SLC44A2: variants seen among roughly 807,000 people sequenced by gnomAD.
The protein encoded by SLC44A2 is choline transporter-like protein 2.
A neutral mutation model predicts 90.8 loss-of-function variants in SLC44A2; 57 were observed. The ratio of observed to expected loss-of-function variants is 0.63; its 90% CI spans 0.51 to 0.78. The LOEUF (loss-of-function observed/expected upper bound fraction) is 0.78, where lower values mean the gene tolerates loss of function less well. SLC44A2 is among the 30% of genes least tolerant of loss of function. SLC44A2 has a pLI of 0.00. For missense variants in SLC44A2, 794 were observed against 919.7 expected, an observed-to-expected ratio of 0.86 and a Z score of 1.77; for synonymous variants, 355 against 360.7, an observed-to-expected ratio of 0.98 and a Z score of 0.18.
chr19:10,608,954 CT>C (rs35684067), intron 1 of SLC44A2, among the ~76,000 whole-genome samples: 6,108 of 111,024 alleles, frequency 0.055, 59 homozygotes, highest in Middle Eastern at 0.086. Context: ...CCCAGCCTAC[CT>C]TTTTTTTTTT....
chr19:10,609,469 T>C (rs1918220143), intron 1 of SLC44A2, among the ~76,000 whole-genome samples: 1 of 151,986 alleles, frequency 6.6e-6, no homozygotes, highest in South Asian at 2.1e-4. Flanking sequence ...CCAGCTACTT[T>C]TTGTATTTTT....
At chr19:10,642,883 CG>C (rs1568457277) in intron 21 of SLC44A2, 1 of 1,577,160 alleles carries the variant, frequency 6.3e-7, no homozygotes, top group Non-Finnish European at 8.5e-7. Flanking sequence ...TGCCGGTTCC[CG>C]GGGGGAGCCC....
chr19:10,624,332 C>G (rs1211411583), upstream of SLC44A2, among the ~76,000 whole-genome samples: 1 of 151,910 alleles, frequency 6.6e-6, no homozygotes, highest in Non-Finnish European at 1.5e-5. Flanking sequence ...GAGACAGAGT[C>G]TCACTCTGTC....
At chr19:10,631,592 C>T in intron 7 of SLC44A2, 34 bp from the exon 8 acceptor site, 3 of 1,613,992 alleles carry the variant, frequency 1.9e-6, no homozygotes, top group Non-Finnish European at 1.7e-6. Context: ...TGCAGAGGCT[C>T]AGCCTGACTG....
In SLC44A2 at chr19:10,626,277, C is replaced by G; in HGVS notation, c.62C>G (p.Thr21Ser). The G allele has an allele frequency of 6.2e-7, 1 of 1,613,650 alleles. No homozygotes were observed. Among genetic ancestry groups the G allele is most frequent in the South Asian group, 1.1e-5 (1 of 91,082 alleles). Residue 21 changes from threonine to serine, a missense_variant, in exon 2 of 22, where the codon ACT becomes AGT. Physicochemically the swap from Thr to Ser is moderately conservative, Grantham distance 58. This residue lies in a region of SLC44A2 where 738 missense variants were observed against 841.1 expected (regional missense o/e 0.88). Coordinates refer to ENST00000335757, the MANE Select transcript of SLC44A2 (RefSeq NM_020428.4). ...KHGTPQKYDP[T>S]FKGPIYNRGC... ...GGAACGCCACAGAAGTATGATCCCA[C>G]TTTCAAAGGACCCATTTACAATAGG...
chr19:10,636,229 C>G, intron 14 of SLC44A2, 94 bp from the exon 15 acceptor site: 1 of 1,430,672 alleles, frequency 7.0e-7, no homozygotes, highest in South Asian at 1.3e-5. Flanking sequence ...CCTGTCCTAC[C>G]TCATGGTTTT....
At position 10,608,255 on chromosome 19, in the gene SLC44A2, C is replaced by G. The variant is rs74788148; in HGVS notation, c.31+5694C>G. Among the ~76,000 whole-genome samples the G allele has an allele frequency of 7.6e-3, 1,139 of 150,698 alleles. 92 individuals are homozygous for G. In the East Asian group the frequency reaches 0.19, roughly 26 times the overall value. ...AAAAAAAAAAAAGGAGAGACAGGGT[C>G]TTGCTATGTTGCCTTGGCTAGCCTA... is the stretch of plus-strand genomic sequence containing the variant. On this transcript the variant is annotated intron_variant, in intron 1 of 21. Transcript: ENST00000407327.
chr19:10,611,636 T>C (rs144628602), intron 1 of SLC44A2, among the ~76,000 whole-genome samples: 23 of 151,940 alleles, frequency 1.5e-4, no homozygotes, highest in Non-Finnish European at 2.9e-4. Context: ...CTGGGCAACA[T>C]TGCAAAACCC....
Position 10,626,300 on chromosome 19 carries a change from AG to A in SLC44A2, c.86+1del. 1 of 1,610,566 alleles carries A rather than the reference AG, an allele frequency of 6.2e-7. No homozygotes were observed. The highest frequency in any genetic ancestry group is 8.5e-7 in the Non-Finnish European group (1 of 1,176,718). On this transcript the variant is annotated frameshift_variant and splice_region_variant, in exon 2 of 22. Transcript: ENST00000335757. LOFTEE classifies it high-confidence loss of function. ...DPTFKGPIYN[R>X]GCTDIICCVF... Reference sequence around the variant, plus strand: ...CACTTTCAAAGGACCCATTTACAATAGGTAAGAGCTCTGGGTTTTGGGGGGT... The same window carrying A: ...CACTTTCAAAGGACCCATTTACAATAGTAAGAGCTCTGGGTTTTGGGGGGT...
chr19:10,631,744 C>T lies in SLC44A2; in HGVS notation c.621C>T (p.Gly207=), dbSNP rs769500495. 57 of 1,613,454 alleles carry T rather than the reference C, an allele frequency of 3.5e-5. 1 individual carries two copies. In the South Asian group the frequency reaches 4.9e-4, roughly 14 times the overall value. The part of the protein sequence containing the change: ...SRKNITDLVE[G]AKKANGVLEA... ...AAAACATCACAGACCTGGTGGAGGGCGCCAAGTGAGGATATTGGCGCACCG... is the reference window on the plus strand; with the variant it reads ...AAAACATCACAGACCTGGTGGAGGGTGCCAAGTGAGGATATTGGCGCACCG... The change falls in exon 8 of 22, where the codon GGC becomes GGT. Residue 207 remains glycine, a synonymous_variant. Coordinates refer to ENST00000335757, the MANE Select transcript of SLC44A2 (RefSeq NM_020428.4).
intron 1 of SLC44A2, among the ~76,000 whole-genome samples, chr19:10,608,226 G>T (rs990376220): frequency 8.1e-6 from 1 of 123,978 alleles, no homozygotes; most frequent in Non-Finnish European, 1.7e-5. Context: ...CCGTCTCAAA[G>T]AAAAAAAAAA....
rs1242678384 is a variant in SLC44A2, at chr19:10,635,224, C to T, written c.1117C>T (p.Leu373Phe). The T allele has an allele frequency of 6.2e-7, 1 of 1,614,048 alleles. No individual in the cohort carries two copies. The highest frequency in any genetic ancestry group is 8.5e-7 in the Non-Finnish European group (1 of 1,180,036). Residue 373 changes from leucine to phenylalanine, a missense_variant, in exon 13 of 22, where the codon CTC (leucine) becomes TTC (phenylalanine). Physicochemically the swap from Leu to Phe is conservative, Grantham distance 22. Transcript: ENST00000335757. ...YPLVTFFLLCLCIAYWASTAV... is the reference protein window; with the variant it reads ...YPLVTFFLLCFCIAYWASTAV... ...ACTGGTCACCTTCTTCTTGCTGTGC[C>T]TCTGCATCGCCTACTGGGCCAGCAC...
At position 10,635,434 on chromosome 19, in the gene SLC44A2, C is replaced by T. The variant is rs2067043572; in HGVS notation, c.1152C>T (p.Phe384=). ...CIAYWASTAV[F]LSTSNEAVYK... is the part of the protein sequence containing the mutation. ...TGCTTCCTTAACGAACCTCCAGCTT[C>T]CTGTCCACTTCCAACGAAGCGGTCT... The change falls in exon 14 of 22, where the codon TTC becomes TTT. Residue 384 remains phenylalanine, a synonymous_variant. Transcript: ENST00000335757. 1 of 1,614,178 alleles carries T rather than the reference C, an allele frequency of 6.2e-7. No homozygotes were observed. The highest frequency in any genetic ancestry group is 8.5e-7 in the Non-Finnish European group (1 of 1,180,036).
chr19:10,637,326 T>C (rs1309641205), intron 16 of SLC44A2, among the ~76,000 whole-genome samples: 1 of 152,110 alleles, frequency 6.6e-6, no homozygotes, highest in Non-Finnish European at 1.5e-5. Flanking sequence ...CACTCCAGCC[T>C]GGGCAACAGA....
At chr19:10,625,505 GC>G (rs2066922605), upstream of SLC44A2, 1 of 1,223,024 alleles carries the variant, frequency 8.2e-7, no homozygotes, top group East Asian at 3.2e-5. Flanking sequence ...GGTTTGGGCC[GC>G]CCCGCCTGGC....
Position 10,631,957 on chromosome 19 carries a change from T to G in SLC44A2, c.710+6T>G, listed in dbSNP as rs1339822579. Reference sequence around the variant, plus strand: ...TCTTGGTACTGGATTATCATGTAAGTCAGGAGGGAAGGGGCCTCTCCCCTG... The same window carrying G: ...TCTTGGTACTGGATTATCATGTAAGGCAGGAGGGAAGGGGCCTCTCCCCTG... On this transcript the variant is annotated splice_donor_region_variant and intron_variant, in intron 9 of 21. Transcript: ENST00000335757. The G allele has an allele frequency of 6.2e-7, 1 of 1,614,158 alleles. No individual in the cohort carries two copies. Among genetic ancestry groups the G allele is most frequent in the Non-Finnish European group, 8.5e-7 (1 of 1,180,006 alleles).
rs1315525060 is a variant in SLC44A2, at chr19:10,638,249, C to T, written c.1863C>T (p.Phe621=). The T allele has an allele frequency of 1.2e-6, 2 of 1,614,038 alleles. No individual in the cohort carries two copies. Among genetic ancestry groups the T allele is most frequent in the East Asian group, 4.5e-5 (2 of 44,898 alleles). The change falls in exon 20 of 22, where the codon TTC becomes TTT. Residue 621 remains phenylalanine, a synonymous_variant. Transcript: ENST00000335757. The stretch of plus-strand genomic sequence containing the variant: ...CAGGGATCCTGGCTTTCTTCTTCTT[C>T]ACCCACCGTATCAGGATCGTGCAGG... ...GSVGILAFFF[F]THRIRIVQDT... is the part of the protein sequence containing the mutation.
Position 10,632,140 on chromosome 19 carries a change from T to C in SLC44A2, c.807T>C (p.Ile269=), listed in dbSNP as rs553131905. ...IMVWVMIIMV[I]LVLGYGIFHC... ...TCTGGGTGATGATCATCATGGTGAT[T>C]CTGGTGCTGGGCTACGGTGCGTCAC... Residue 269 remains isoleucine (I), a synonymous_variant, in exon 10 of 22, where the codon ATT becomes ATC. Transcript: ENST00000335757. 5.0e-5 allele frequency: 81 copies of C among 1,613,990 alleles called. No homozygotes were observed. In the East Asian group the frequency reaches 1.8e-3, roughly 35 times the overall value.
rs568247808 is a variant in SLC44A2, at chr19:10,637,735, T to C, written c.1683T>C (p.Asn561=). 1.2e-6 allele frequency: 2 copies of C among 1,614,142 alleles called. No homozygotes were observed. Among genetic ancestry groups the C allele is most frequent in the African/African-American group, 1.3e-5 (1 of 75,028 alleles). Residue 561 remains asparagine (N), a synonymous_variant, in exon 17 of 22, where the codon AAT becomes AAC. Coordinates refer to ENST00000335757, the MANE Select transcript of SLC44A2 (RefSeq NM_020428.4). ...LEKFIKFLNR[N]AYIMIAIYGT... is the part of the protein sequence containing the mutation. ...AGTTCATCAAATTCCTTAATAGGAA[T>C]GCCTACATCATGGTGAGTGGGCCTG... is the stretch of plus-strand genomic sequence containing the variant.
Sources: allele counts gnomAD v4.1 joint callset (sites outside exome capture counted in the v4.1 genomes callset), GRCh38; gene constraint gnomAD v4.1.1; regional missense constraint gnomAD v4.1.1; transcripts MANE v1.5; gene names NCBI Gene and HGNC (gene_info 2026-07-23, HGNC 2026-07-21).